The following STK26 variants were observed in gnomAD, a reference collection of about 807,000 sequenced individuals.
STK26 encodes serine/threonine-protein kinase 26.
Under a neutral mutation model 34.7 loss-of-function variants are expected in STK26, and 14 were observed. That is an observed-to-expected ratio of 0.40 (90% CI 0.27 to 0.63). The LOEUF (loss-of-function observed/expected upper bound fraction) is 0.63, where lower values mean the gene tolerates loss of function less well. Ranked by LOEUF, STK26 falls within the 30% of genes least tolerant of loss-of-function variation. The pLI is 0.38. For synonymous variants in STK26, 100 were observed against 109.8 expected, an observed-to-expected ratio of 0.91 and a Z score of 0.56; for missense variants, 226 against 309.1, an observed-to-expected ratio of 0.73 and a Z score of 2.02.
At chrX:132,036,184 C>A (rs1367177578) in intron 2 of STK26, among the ~76,000 whole-genome samples, 1 of 112,081 alleles carries the variant, frequency 8.9e-6, no homozygotes, top group Non-Finnish European at 1.9e-5. Context: ...AACTTTGGAC[C>A]TAAATCACTT....
chrX:132,044,832 GAGAGATCTATATATATATTTATATATAT>G (rs1926441265), intron 2 of STK26, among the ~76,000 whole-genome samples: 2 of 82,034 alleles, frequency 2.4e-5, no homozygotes, highest in Non-Finnish European at 4.7e-5. Context: ...TATATATAGA[GAGAGATCTATATATATATTTATATATAT>G]AGAGAGAAAC....
chrX:132,060,914 C>T (rs1927032290), intron 3 of STK26, among the ~76,000 whole-genome samples: 1 of 111,302 alleles, frequency 9.0e-6, no homozygotes, highest in African/African-American at 3.3e-5. Context: ...GCAGCCCTCA[C>T]CACCACTGAT....
At chrX:132,034,583 C>T (rs1046221910) in intron 2 of STK26, among the ~76,000 whole-genome samples, 3 of 111,211 alleles carry the variant, frequency 2.7e-5, no homozygotes, top group Non-Finnish European at 3.8e-5. Flanking sequence ...CGTGAGCCAC[C>T]GCGCCCGGCC....
intron 2 of STK26, among the ~76,000 whole-genome samples, chrX:132,024,155 G>A (rs1296635862): frequency 9.0e-6 from 1 of 111,200 alleles, no homozygotes; most frequent in African/African-American, 3.3e-5. Context: ...CTAAGAGAGA[G>A]GTGACCTCTT....
In STK26 at chrX:132,069,493, T is replaced by C. The variant is rs781336161; in HGVS notation, c.613T>C (p.Leu205=). 1.9e-6 allele frequency: 2 copies of C among 1,033,814 alleles called. No individual in the cohort carries two copies. The highest frequency in any genetic ancestry group is 4.2e-5 in the African/African-American group (2 of 48,091). 85.2% of individuals were successfully genotyped at this position (1,033,814 alleles called of 1,213,427 possible). The change falls in exon 7 of 12, where the codon TTG becomes CTG. Residue 205 remains leucine (L), a synonymous_variant. Coordinates refer to ENST00000394334, the MANE Select transcript of STK26 (RefSeq NM_016542.4). ...AYDSKADIWS[L]GITAIELAKG... is the part of the protein sequence containing the mutation. ...TTTACGTTAGGCTGACATTTGGTCATTGGGAATTACTGCTATTGAACTAGC... is the reference window on the plus strand; with the variant it reads ...TTTACGTTAGGCTGACATTTGGTCACTGGGAATTACTGCTATTGAACTAGC...
chrX:132,072,608 T>C (rs892271821), intron 9 of STK26, among the ~76,000 whole-genome samples: 1 of 111,672 alleles, frequency 9.0e-6, no homozygotes, highest in Admixed American at 9.5e-5. Context: ...CAGGGAATCA[T>C]AGGTATCTAT....
chrX:132,067,688 C>T (rs191080267), intron 4 of STK26, among the ~76,000 whole-genome samples: 15 of 111,312 alleles, frequency 1.3e-4, no homozygotes, highest in African/African-American at 4.9e-4. Flanking sequence ...CAATTTGAGT[C>T]TCAAAAAGGC....
At chrX:132,038,004 C>T (rs188928766) in intron 2 of STK26, among the ~76,000 whole-genome samples, 9 of 109,522 alleles carry the variant, frequency 8.2e-5, no homozygotes, top group Non-Finnish European at 1.1e-4. Flanking sequence ...AAACTATTAC[C>T]GCTGTTGCTA....
At position 132,074,354 on chromosome X, in the gene STK26, A is replaced by T; in HGVS notation, c.*195A>T. Reference sequence around the variant, plus strand: ...ATTTTGAAAGGATTATTTTGTAAGGAATAACTTTTAATACTATAGTTTCAC... The same window carrying T: ...ATTTTGAAAGGATTATTTTGTAAGGTATAACTTTTAATACTATAGTTTCAC... On this transcript the variant is annotated 3_prime_UTR_variant, in exon 12 of 12. Coordinates refer to ENST00000394334, the MANE Select transcript of STK26 (RefSeq NM_016542.4). The T allele has an allele frequency of 2.6e-6, 1 of 378,673 alleles. No individual in the cohort carries two copies. Among genetic ancestry groups the T allele is most frequent in the Non-Finnish European group, 4.6e-6 (1 of 218,809 alleles). 31.2% of individuals were successfully genotyped at this position (378,673 alleles called of 1,213,427 possible). A position where few individuals can be genotyped will look rare whatever the true frequency, so the allele number is the denominator to read the frequency against.
At position 132,030,503 on chromosome X, in the gene STK26, CTAAGA is replaced by C. The variant is rs1404148725; in HGVS notation, c.42+6846_42+6850del. Among the ~76,000 whole-genome samples the C allele has an allele frequency of 4.5e-5, 5 of 111,747 alleles. No individual in the cohort carries two copies. The East Asian group carries it at 1.4e-3, about 31-fold the overall frequency. ...AAAGAATCTGATAATTTCACTCACACTAAGATGTTTTTGATTAATGGCTCAGTGCT... is the reference window on the plus strand; with the variant it reads ...AAAGAATCTGATAATTTCACTCACACTGTTTTTGATTAATGGCTCAGTGCT... On this transcript the variant is annotated intron_variant, in intron 2 of 11. Coordinates refer to ENST00000394334, the MANE Select transcript of STK26 (RefSeq NM_016542.4).
chrX:132,074,007 T>C lies in STK26; in HGVS notation c.1227-128T>C, dbSNP rs1602783896. 7 of 522,042 alleles carry C rather than the reference T, an allele frequency of 1.3e-5. No homozygotes were observed. The East Asian group carries it at 2.7e-4, about 20-fold the overall frequency. The allele number at this position is 522,042 out of a possible 1,213,427, so 43.0% of individuals were successfully genotyped here. ...ACTTGTTTATATTTTAACATCTACA[T>C]GATAAGATTCAATAGAAACAATGTA... is the stretch of plus-strand genomic sequence containing the variant. On this transcript the variant is annotated intron_variant, in intron 11 of 11. Coordinates refer to ENST00000394334, the MANE Select transcript of STK26 (RefSeq NM_016542.4).
intron 4 of STK26, among the ~76,000 whole-genome samples, chrX:132,067,935 A>T (rs776808441): frequency 9.3e-4 from 103 of 110,276 alleles, no homozygotes; most frequent in Admixed American, 2.1e-3. Flanking sequence ...GTAAATATTC[A>T]GGAACCTCAG....
chrX:132,060,651 T>C (rs1322656603), intron 3 of STK26, among the ~76,000 whole-genome samples: 1 of 107,937 alleles, frequency 9.3e-6, no homozygotes, highest in African/African-American at 3.4e-5. Flanking sequence ...GGTCTCACTC[T>C]GTCTCCCGAG....
At chrX:132,029,429 T>C (rs1464241665) in intron 2 of STK26, among the ~76,000 whole-genome samples, 1 of 111,434 alleles carries the variant, frequency 9.0e-6, no homozygotes, top group African/African-American at 3.3e-5. Flanking sequence ...AAAGGTGTTA[T>C]GATGTATGGG....
At chrX:132,056,351 G>A (rs1369305427) in intron 3 of STK26, among the ~76,000 whole-genome samples, 10 of 112,065 alleles carry the variant, frequency 8.9e-5, no homozygotes, top group Admixed American at 3.8e-4. Context: ...GGCTGGGTGG[G>A]TTGCAGTGGT....
At chrX:132,062,045 T>A (rs986283894) in intron 3 of STK26, among the ~76,000 whole-genome samples, 2 of 112,586 alleles carry the variant, frequency 1.8e-5, no homozygotes, top group African/African-American at 6.5e-5. Context: ...ATACTACGAA[T>A]GAATACATTT....
chrX:132,026,342 T>C (rs1427872530), intron 2 of STK26, among the ~76,000 whole-genome samples: 1 of 112,200 alleles, frequency 8.9e-6, no homozygotes, highest in Non-Finnish European at 1.9e-5. Context: ...TTGTTGATAT[T>C]TCTTAATATT....
At chrX:132,041,994 T>C (rs1926283936) in intron 2 of STK26, among the ~76,000 whole-genome samples, 1 of 112,088 alleles carries the variant, frequency 8.9e-6, no homozygotes, top group Admixed American at 9.5e-5. Context: ...TTAGTAGATA[T>C]CTCATAATTT....
At chrX:132,054,211 A>G (rs1358240177) in intron 2 of STK26, among the ~76,000 whole-genome samples, 1 of 112,162 alleles carries the variant, frequency 8.9e-6, no homozygotes, top group East Asian at 2.8e-4. Context: ...TTGGAGAGAG[A>G]GGAGTGTTAA....
Sources: allele counts gnomAD v4.1 joint callset (sites outside exome capture counted in the v4.1 genomes callset), GRCh38; gene constraint gnomAD v4.1.1; transcripts MANE v1.5; gene names NCBI Gene and HGNC (gene_info 2026-07-23, HGNC 2026-07-21).